Variants in KANSL1L observed in about 807,000 individuals in gnomAD.
The protein encoded by KANSL1L is KAT8 regulatory NSL complex subunit 1 like.
In KANSL1L, 25 loss-of-function variants were observed where a neutral mutation model predicts 108.6. The observed-to-expected ratio is 0.23, with a 90% CI of 0.17 to 0.32. KANSL1L has a LOEUF of 0.32. KANSL1L is among the 10% of genes least tolerant of loss of function. The pLI is 1.00. For synonymous variants in KANSL1L, 405 were observed against 395.1 expected (o/e 1.03, Z -0.30); for missense variants, 1,137 against 1,125.7 (o/e 1.01, Z -0.14).
intron 2 of KANSL1L, among the ~76,000 whole-genome samples, chr2:210,149,225 T>C (rs1287628510): frequency 6.6e-6 from 1 of 152,118 alleles, no homozygotes; most frequent in Non-Finnish European, 1.5e-5. Context: ...TCTTTACAAC[T>C]ACATATACAA....
rs758095380 is a variant in KANSL1L, at chr2:210,098,182, T to C, written c.1454A>G (p.Asn485Ser). 8.7e-6 allele frequency: 14 copies of C among 1,612,502 alleles called. No homozygotes were observed. The highest frequency in any genetic ancestry group is 2.2e-5 in the South Asian group (2 of 90,878). The change falls in exon 5 of 15, where the codon AAC becomes AGC. Residue 485 changes from asparagine to serine, a missense_variant. Physicochemically the swap from Asn to Ser is conservative, Grantham distance 46 (BLOSUM62 1). Transcript: ENST00000281772. Reference protein sequence around the residue: ...KQSAQLTEIINSLIAPLNLSP... With the variant: ...KQSAQLTEIISSLIAPLNLSP... ...CAAGTTGAGAGGGGCAATCAAACTG[T>C]TGATGATCTCAGTCAACTGTGCACT...
Position 210,022,549 on chromosome 2 carries a change from T to A in KANSL1L, c.*400A>T, listed in dbSNP as rs564705314. On this transcript the variant is annotated 3_prime_UTR_variant, in exon 15 of 15. Coordinates refer to ENST00000281772, the MANE Select transcript of KANSL1L (RefSeq NM_152519.4). Reference sequence around the variant, plus strand: ...ATTCTAATATATTACTAAGGCAATTTTAATGAATTACCATGTATATAAAAA... The same window carrying A: ...ATTCTAATATATTACTAAGGCAATTATAATGAATTACCATGTATATAAAAA... 2.9e-5 allele frequency: 5 copies of A among 173,970 alleles called. No homozygotes were observed. In the South Asian group the frequency reaches 6.9e-4, roughly 24 times the overall value. 10.8% of individuals were successfully genotyped at this position (173,970 alleles called of 1,614,324 possible).
chr2:210,124,570 C>A (rs1228149297), intron 3 of KANSL1L, among the ~76,000 whole-genome samples: 2 of 150,814 alleles, frequency 1.3e-5, no homozygotes, highest in African/African-American at 2.4e-5. Context: ...GAAATAACAA[C>A]CTAATTTTAC....
At chr2:210,165,247 T>A (rs1046940985) in intron 1 of KANSL1L, among the ~76,000 whole-genome samples, 1 of 151,480 alleles carries the variant, frequency 6.6e-6, no homozygotes, top group Non-Finnish European at 1.5e-5. Context: ...ATGTTATGGA[T>A]GGCAAAACAA....
At chr2:210,115,428 A>G (rs2094945044) in intron 3 of KANSL1L, among the ~76,000 whole-genome samples, 1 of 152,228 alleles carries the variant, frequency 6.6e-6, no homozygotes, top group Admixed American at 6.5e-5. Flanking sequence ...AGATAAGAAA[A>G]TAAACAACTT....
chr2:210,133,092 T>C (rs2095140898), intron 2 of KANSL1L, among the ~76,000 whole-genome samples: 1 of 152,144 alleles, frequency 6.6e-6, no homozygotes, highest in African/African-American at 2.4e-5. Context: ...CATGTACTTG[T>C]TCATAATACA....
intron 6 of KANSL1L, among the ~76,000 whole-genome samples, chr2:210,061,028 G>A (rs749668727): frequency 8.5e-5 from 13 of 152,102 alleles, no homozygotes; most frequent in Non-Finnish European, 1.6e-4. Context: ...AAAACTCTGG[G>A]CTTTTCCCTA....
rs186662372 is a variant in KANSL1L at position 210,152,064 on chromosome 2, T to C, written c.1088+1431A>G. 29 of 152,288 alleles carry C rather than the reference T, an allele frequency of 1.9e-4. No individual in the cohort carries two copies. The East Asian group carries it at 4.5e-3, about 23-fold the overall frequency. 9.4% of individuals were successfully genotyped at this position (152,288 alleles called of 1,614,324 possible). ...TCATGCAGGTTTGTTATACAGATTA[T>C]TTCATCACCCAGGTTTTAAGCCTAG... On this transcript the variant is annotated intron_variant, in intron 2 of 14. Transcript: ENST00000281772.
At chr2:210,101,951 T>C (rs548043259) in intron 4 of KANSL1L, among the ~76,000 whole-genome samples, 2 of 152,342 alleles carry the variant, frequency 1.3e-5, no homozygotes, top group Admixed American at 6.5e-5. Flanking sequence ...GATGCAACTA[T>C]GGTGAAGAAT....
intron 5 of KANSL1L, among the ~76,000 whole-genome samples, chr2:210,081,423 C>G (rs2094588900): frequency 6.6e-6 from 1 of 152,200 alleles, no homozygotes; most frequent in Non-Finnish European, 1.5e-5. Context: ...GGGAAGTTTT[C>G]TAGCTCCTGC....
chr2:210,110,316 T>C (rs2094891625), intron 3 of KANSL1L, among the ~76,000 whole-genome samples: 1 of 152,228 alleles, frequency 6.6e-6, no homozygotes, highest in South Asian at 2.1e-4. Context: ...GTCTGATATT[T>C]AGCTCCAAAT....
chr2:210,172,574 A>G (rs569540370), upstream of KANSL1L, among the ~76,000 whole-genome samples: 18 of 152,336 alleles, frequency 1.2e-4, no homozygotes, highest in Non-Finnish European at 2.9e-5. Flanking sequence ...TAATTACTGA[A>G]TAATTGCACC....
chr2:210,043,154 G>A (rs2094185117), intron 7 of KANSL1L, among the ~76,000 whole-genome samples: 2 of 152,094 alleles, frequency 1.3e-5, no homozygotes, highest in South Asian at 2.1e-4. Flanking sequence ...GGGAGGTTGA[G>A]GTGGGAGGAT....
At chr2:210,171,432 C>G (rs1023054072), upstream of KANSL1L, 3 of 157,110 alleles carry the variant, frequency 1.9e-5, no homozygotes, top group Non-Finnish European at 4.2e-5. Flanking sequence ...CGGGGCCCGG[C>G]GCTAGCCAAT....
intron 1 of KANSL1L, among the ~76,000 whole-genome samples, chr2:210,166,665 T>C (rs974620941): frequency 2.6e-5 from 4 of 152,102 alleles, no homozygotes. Context: ...AACTGGAATC[T>C]GGATAATCCC....
chr2:210,079,479 C>T (rs967024612), intron 5 of KANSL1L, among the ~76,000 whole-genome samples: 5 of 150,126 alleles, frequency 3.3e-5, no homozygotes, highest in African/African-American at 4.9e-5. Flanking sequence ...ACCTATAATC[C>T]TAGCTACTCT....
chr2:210,149,941 G>A (rs912135676), intron 2 of KANSL1L, among the ~76,000 whole-genome samples: 1 of 151,168 alleles, frequency 6.6e-6, no homozygotes, highest in Non-Finnish European at 1.5e-5. Context: ...ATAATTCAGT[G>A]AAATAAAAAA....
chr2:210,065,997 T>C (rs1367888304), intron 6 of KANSL1L, among the ~76,000 whole-genome samples: 1 of 152,168 alleles, frequency 6.6e-6, no homozygotes, highest in African/African-American at 2.4e-5. Flanking sequence ...GGTTTTTACA[T>C]ATGAAAGAGG....
Position 210,022,918 on chromosome 2 carries a change from C to T in KANSL1L, c.*31G>A, listed in dbSNP as rs2093880176. ...GCTTTATTTCCTCCCATCTTTCCTA[C>T]ATTTACATAGTTTTCTTAACCTGTT... On this transcript the variant is annotated 3_prime_UTR_variant, in exon 15 of 15. Transcript: ENST00000281772. The T allele has an allele frequency of 1.4e-6, 2 of 1,471,872 alleles. No homozygotes were observed. Among genetic ancestry groups the T allele is most frequent in the South Asian group, 1.1e-5 (1 of 87,456 alleles). 91.2% of individuals were successfully genotyped at this position (1,471,872 alleles called of 1,614,324 possible).
Sources: gnomAD v4.1 joint callset for allele counts (sites outside exome capture counted in the v4.1 genomes callset) on GRCh38, gnomAD v4.1.1 for gene constraint, MANE v1.5 for transcripts, NCBI Gene and HGNC (gene_info 2026-07-23, HGNC 2026-07-21) for gene names.